The following MGRN1 variants were observed in gnomAD, a reference collection of about 807,000 sequenced individuals.
The protein encoded by MGRN1 is E3 ubiquitin-protein ligase MGRN1.
A neutral mutation model predicts 69.2 loss-of-function variants in MGRN1; 29 were observed. The observed-to-expected ratio is 0.42, with a 90% CI of 0.31 to 0.57. The LOEUF is 0.57. MGRN1 is among the 20% of genes least tolerant of loss of function. MGRN1 has a pLI of 0.15. For synonymous variants in MGRN1, 470 were observed against 344.2 expected (o/e 1.37, Z -4.04); for missense variants, 998 against 796.2 (o/e 1.25, Z -3.05).
intron 1 of MGRN1, among the ~76,000 whole-genome samples, chr16:4,630,990 T>C (rs1390920049): frequency 6.6e-6 from 1 of 151,992 alleles, no homozygotes; most frequent in East Asian, 1.9e-4. Flanking sequence ...AGCAAAGTTT[T>C]TGTATTTTTT....
chr16:4,645,069 A>G (rs1159508544), intron 1 of MGRN1, among the ~76,000 whole-genome samples: 1 of 146,842 alleles, frequency 6.8e-6, no homozygotes, highest in Non-Finnish European at 1.5e-5. Flanking sequence ...CAGGTGTTTT[A>G]GTTTGTAGCA....
At chr16:4,679,727 A>C (rs2079134481) in intron 11 of MGRN1, among the ~76,000 whole-genome samples, 1 of 152,132 alleles carries the variant, frequency 6.6e-6, no homozygotes, top group Non-Finnish European at 1.5e-5. Flanking sequence ...CCTCACGTCC[A>C]CCTTGGCCAA....
At chr16:4,686,157 G>T (rs886545038) in intron 16 of MGRN1, 7 of 1,344,966 alleles carry the variant, frequency 5.2e-6, no homozygotes, top group Non-Finnish European at 6.1e-6. Flanking sequence ...GTTTCTAGAC[G>T]GCCTCGACCG....
chr16:4,649,463 C>A (rs1027218670), intron 1 of MGRN1: 1 of 152,186 alleles, frequency 6.6e-6, no homozygotes, highest in East Asian at 1.9e-4. Flanking sequence ...ACTCCTGGGG[C>A]CCCAGGCACT....
At chr16:4,646,086 C>T (rs781035424) in intron 1 of MGRN1, among the ~76,000 whole-genome samples, 20 of 151,736 alleles carry the variant, frequency 1.3e-4, no homozygotes, top group Non-Finnish European at 2.8e-4. Context: ...CGGTGAGGGT[C>T]GGGATTGGGA....
chr16:4,668,378 C>T, intron 8 of MGRN1, 66 bp downstream of exon 8: 1 of 1,519,090 alleles, frequency 6.6e-7, no homozygotes, highest in East Asian at 2.3e-5. Context: ...CACTCACACG[C>T]ATACTCATAC....
intron 1 of MGRN1, among the ~76,000 whole-genome samples, chr16:4,629,662 C>A (rs1567165090): frequency 6.6e-6 from 1 of 151,656 alleles, no homozygotes; most frequent in Non-Finnish European, 1.5e-5. Flanking sequence ...TTGTTTGAAC[C>A]CGGGAGGCGG....
chr16:4,687,214 CAA>C (rs2079344585), intron 16 of MGRN1: 1 of 985,154 alleles, frequency 1.0e-6, no homozygotes, highest in Admixed American at 6.2e-5. Context: ...CCATCCCCCC[CAA>C]GAGGCGCCCT....
rs913593078 is a variant in MGRN1, at chr16:4,656,609, A to G, written c.444-637A>G. On this transcript the variant is annotated intron_variant, in intron 4 of 16. Coordinates refer to ENST00000262370, the MANE Select transcript of MGRN1 (RefSeq NM_015246.4). ...TAAAAAGTAAACTCAAGCTGGGTGC[A>G]GTGACTCAGGCCTGTAATCCCAGCA... Among the ~76,000 whole-genome samples the G allele has an allele frequency of 1.1e-4, 16 of 152,178 alleles. 1 individual carries two copies. Among genetic ancestry groups the G allele is most frequent in the African/African-American group, 2.9e-4 (12 of 41,452 alleles).
At chr16:4,638,464 C>CA (rs112029845) in intron 1 of MGRN1, among the ~76,000 whole-genome samples, 6,546 of 143,396 alleles carry the variant, frequency 0.046, 449 homozygotes, top group African/African-American at 0.15. Context: ...GAGTCCGTCT[C>CA]AAAAAAAAAA....
intron 5 of MGRN1, among the ~76,000 whole-genome samples, chr16:4,661,259 G>A (rs2078674006): frequency 2.6e-5 from 4 of 152,054 alleles, no homozygotes; most frequent in African/African-American, 7.2e-5. Flanking sequence ...GATTATAGGC[G>A]TGAGCCACCA....
intron 1 of MGRN1, among the ~76,000 whole-genome samples, chr16:4,638,472 A>T (rs374844552): frequency 4.5e-4 from 68 of 151,770 alleles, no homozygotes; most frequent in South Asian, 1.7e-3. Flanking sequence ...CTCAAAAAAA[A>T]AAATAAATAA....
chr16:4,659,395 CCTCTGGGGAGCCCCAGTCT>C (rs1241062631), intron 5 of MGRN1, among the ~76,000 whole-genome samples: 2 of 152,108 alleles, frequency 1.3e-5, no homozygotes, highest in Non-Finnish European at 2.9e-5. Context: ...CTCCCCAGCC[CCTCTGGGGAGCCCCAGTCT>C]CCGAGCCCTG....
At chr16:4,682,494 T>A (rs2079209744) in intron 13 of MGRN1, among the ~76,000 whole-genome samples, 1 of 152,092 alleles carries the variant, frequency 6.6e-6, no homozygotes, top group African/African-American at 2.4e-5. Context: ...GCGCCAAAGC[T>A]CAGAGAAACG....
At chr16:4,673,876 G>T (rs1481533401) in intron 10 of MGRN1, among the ~76,000 whole-genome samples, 2 of 152,272 alleles carry the variant, frequency 1.3e-5, no homozygotes, top group African/African-American at 4.8e-5. Context: ...AGATCTTCAC[G>T]TCTGCCTCCA....
Position 4,688,876 on chromosome 16 carries a change from G to C in MGRN1, c.1699G>C (p.Asp567His), listed in dbSNP as rs1222041314. The C allele has an allele frequency of 1.3e-6, 2 of 1,553,022 alleles. No individual in the cohort carries two copies. The highest frequency in any genetic ancestry group is 1.2e-5 in the South Asian group (1 of 84,458). Residue 567 changes from aspartate to histidine, a missense_variant, in exon 17 of 17, where the codon GAT (aspartate) becomes CAT (histidine). By Grantham distance (81) the Asp-to-His change is moderately conservative. Transcript: ENST00000262370. ...GCCTCCACTTGGTGGCCCCAGCCCCGATCCCAGCGCCGCCGAGCTGACCCC... is the reference window on the plus strand; with the variant it reads ...GCCTCCACTTGGTGGCCCCAGCCCCCATCCCAGCGCCGCCGAGCTGACCCC... ...TWPPLGGPSPDPSAAELTPL is the reference protein window; with the variant it reads ...TWPPLGGPSPHPSAAELTPL
chr16:4,675,733 CAAAAA>C (rs551578710), intron 10 of MGRN1, among the ~76,000 whole-genome samples: 5 of 88,472 alleles, frequency 5.7e-5, no homozygotes, highest in East Asian at 3.2e-4. Flanking sequence ...GACCCTGTTT[CAAAAA>C]AAAAAAAAAA....
At chr16:4,666,458 G>A (rs2078808168) in intron 7 of MGRN1, among the ~76,000 whole-genome samples, 1 of 152,224 alleles carries the variant, frequency 6.6e-6, no homozygotes, top group African/African-American at 2.4e-5. Context: ...GGTACTTGGA[G>A]TGTGTTGAGG....
chr16:4,668,813 GACAC>G (rs1183400988), intron 8 of MGRN1, among the ~76,000 whole-genome samples: 1 of 150,926 alleles, frequency 6.6e-6, no homozygotes, highest in Non-Finnish European at 1.5e-5. Context: ...CACGTATACA[GACAC>G]ACACTCATAC....
Sources: allele counts gnomAD v4.1 joint callset (sites outside exome capture counted in the v4.1 genomes callset), GRCh38; gene constraint gnomAD v4.1.1; transcripts MANE v1.5; gene names NCBI Gene and HGNC (gene_info 2026-07-23, HGNC 2026-07-21).